ANK2: variants seen among roughly 807,000 people sequenced by gnomAD.
The protein encoded by ANK2 is ankyrin-2.
A neutral mutation model predicts 360.5 loss-of-function variants in ANK2; 83 were observed. The ratio of observed to expected loss-of-function variants is 0.23; its 90% CI spans 0.19 to 0.28. The LOEUF (loss-of-function observed/expected upper bound fraction) is 0.28, where lower values mean the gene tolerates loss of function less well. Among genes scored for constraint, ANK2 ranks in the 10% least tolerant of loss-of-function variants. The pLI is 1.00. For synonymous variants in ANK2, 1,740 were observed against 1,759.5 expected (o/e 0.99, Z 0.28); for missense variants, 4,201 against 4,795.7 (o/e 0.88, Z 3.66).
At chr4:112,935,120 A>AGTGTGTGTGTGTGT (rs10601105) in intron 2 of ANK2, among the ~76,000 whole-genome samples, 4 of 148,760 alleles carry the variant, frequency 2.7e-5, no homozygotes, top group African/African-American at 9.8e-5. Context: ...AGTCAGAGAA[A>AGTGTGTGTGTGTGT]GTGTGTGTGT....
At position 112,864,336 on chromosome 4, in the gene ANK2, G is replaced by T. The variant is rs180849567; in HGVS notation, c.-39-40119G>T. Among the ~76,000 whole-genome samples, 522 of 152,270 alleles carry T rather than the reference G, an allele frequency of 3.4e-3. 1 individual carries two copies. Among genetic ancestry groups the T allele is most frequent in the Non-Finnish European group, 6.5e-3 (440 of 68,024 alleles). ...TTTTATTTTTATTTTTTGAGACGGA[G>T]TCTCGCTCTGTTGCCCAGGCTGGAG... On this transcript the variant is annotated intron_variant, in intron 1 of 30. Transcript: ENST00000503271.
At position 113,356,267 on chromosome 4, in the gene ANK2, T is replaced by C. The variant is rs2095764709; in HGVS notation, c.7649T>C (p.Val2550Ala). The change falls in exon 38 of 46, where the codon GTT (valine) becomes GCT (alanine). Residue 2550 changes from valine (V) to alanine (A), a missense_variant. Physicochemically the swap from Val to Ala is moderately conservative, Grantham distance 64. Transcript: ENST00000357077. ...TPSSEEVSYE[V>A]TPKTTDVSTP... ...AGCTCTGAAGAAGTCAGCTATGAGG[T>C]TACACCCAAAACCACAGATGTAAGT... The C allele has an allele frequency of 6.2e-7, 1 of 1,613,786 alleles. No individual in the cohort carries two copies. Among genetic ancestry groups the C allele is most frequent in the African/African-American group, 1.3e-5 (1 of 74,838 alleles).
At chr4:112,921,772 A>G (rs1055219336) in intron 2 of ANK2, among the ~76,000 whole-genome samples, 1 of 150,994 alleles carries the variant, frequency 6.6e-6, no homozygotes, top group Non-Finnish European at 1.5e-5. Flanking sequence ...TTACTTTTTC[A>G]TTGTCAAATG....
the ANK2 span, among the ~76,000 whole-genome samples, chr4:112,748,147 C>T: frequency 6.6e-6 from 1 of 152,108 alleles, no homozygotes; most frequent in East Asian, 1.9e-4. Flanking sequence ...ACACGAAGAG[C>T]TCTTCTTTCA....
chr4:113,302,651 G>A (rs1375385749), intron 22 of ANK2, 116 bp from the exon 23 acceptor site: 11 of 803,904 alleles, frequency 1.4e-5, no homozygotes, highest in South Asian at 4.2e-5. Context: ...GAAAGATCCC[G>A]TAGTCATGGC....
chr4:112,915,947 G>A (rs929741080), intron 2 of ANK2, among the ~76,000 whole-genome samples: 7 of 151,444 alleles, frequency 4.6e-5, no homozygotes, highest in East Asian at 3.9e-4. Flanking sequence ...TTTTATATAC[G>A]GAACATAAAA....
intron 1 of ANK2, among the ~76,000 whole-genome samples, chr4:112,890,690 C>G (rs188869441): frequency 2.6e-5 from 4 of 151,228 alleles, no homozygotes. Context: ...GCCTCAGCCT[C>G]CCTAGTAGCT....
At chr4:112,875,337 A>T (rs974367887) in intron 1 of ANK2, among the ~76,000 whole-genome samples, 2 of 152,050 alleles carry the variant, frequency 1.3e-5, no homozygotes, top group Non-Finnish European at 2.9e-5. Flanking sequence ...TTTTTGGGAC[A>T]GGGTCTTGCT....
intron 2 of ANK2, among the ~76,000 whole-genome samples, chr4:113,023,262 C>T (rs771583619): frequency 6.6e-6 from 1 of 152,154 alleles, no homozygotes; most frequent in Non-Finnish European, 1.5e-5. Context: ...TTTTTCTGTA[C>T]TTAGACATTA....
intron 4 of ANK2, among the ~76,000 whole-genome samples, chr4:113,231,176 C>T (rs1445323916): frequency 3.9e-5 from 6 of 152,032 alleles, no homozygotes; most frequent in African/African-American, 7.2e-5. Flanking sequence ...CTCAGCCTCC[C>T]GAGTAGCTGG....
rs190985348 is a variant in ANK2 at position 113,187,788 on chromosome 4, C to G, written c.187-8580C>G. On this transcript the variant is annotated intron_variant, in intron 2 of 45. Coordinates refer to ENST00000357077, the MANE Select transcript of ANK2 (RefSeq NM_001148.6). ...GAAAGAACAAGACCCAGGATTGACACATAATAGATATCCAATTAATATTTG... is the reference window on the plus strand; with the variant it reads ...GAAAGAACAAGACCCAGGATTGACAGATAATAGATATCCAATTAATATTTG... Among the ~76,000 whole-genome samples the G allele has an allele frequency of 2.6e-5, 4 of 152,262 alleles. No individual in the cohort carries two copies. In the East Asian group the frequency reaches 7.7e-4, roughly 29 times the overall value.
intron 3 of ANK2, 55 bp downstream of exon 3, chr4:113,196,521 A>G: frequency 1.4e-6 from 2 of 1,420,684 alleles, no homozygotes; most frequent in Non-Finnish European, 2.0e-6. Flanking sequence ...AAATAATTTA[A>G]AGCTTTTCAT....
chr4:113,362,211 C>T (rs1023712866), intron 39 of ANK2, among the ~76,000 whole-genome samples: 2 of 151,930 alleles, frequency 1.3e-5, no homozygotes, highest in Non-Finnish European at 2.9e-5. Flanking sequence ...TAGGTGGTTT[C>T]CCAGTAACGG....
intron 14 of ANK2, among the ~76,000 whole-genome samples, chr4:113,272,458 G>A (rs779651475): frequency 5.9e-5 from 9 of 152,080 alleles, no homozygotes; most frequent in Non-Finnish European, 1.3e-4. Context: ...TTCAACTTTT[G>A]CAATTCAGCA....
chr4:112,781,589 C>G, the ANK2 span, among the ~76,000 whole-genome samples: 1 of 151,998 alleles, frequency 6.6e-6, no homozygotes, highest in East Asian at 1.9e-4. Flanking sequence ...AATTGTAAAG[C>G]ATGGCCTTAT....
intron 4 of ANK2, among the ~76,000 whole-genome samples, chr4:113,227,585 A>G (rs1490222869): frequency 1.3e-5 from 2 of 152,176 alleles, no homozygotes; most frequent in Admixed American, 6.5e-5. Context: ...GTAGAGTGGT[A>G]CCTAGGCACT....
At chr4:113,045,430 A>G (rs2154317634), upstream of ANK2, among the ~76,000 whole-genome samples, 1 of 152,346 alleles carries the variant, frequency 6.6e-6, no homozygotes, top group South Asian at 2.1e-4. Flanking sequence ...AAAGAACAAC[A>G]GCCTTCAAAT....
chr4:113,128,765 A>AG (rs754452704), intron 1 of ANK2, among the ~76,000 whole-genome samples: 7 of 152,214 alleles, frequency 4.6e-5, no homozygotes, highest in Non-Finnish European at 1.0e-4. Flanking sequence ...CTGGGATTAC[A>AG]GGCGTGAGCC....
intron 21 of ANK2, 113 bp downstream of exon 21, chr4:113,292,627 C>A: frequency 8.6e-7 from 1 of 1,161,728 alleles, no homozygotes; most frequent in Non-Finnish European, 1.3e-6. Context: ...AATAAGCCCC[C>A]TGGACTCTGG....
Sources: gnomAD v4.1 joint callset for allele counts (sites outside exome capture counted in the v4.1 genomes callset) on GRCh38, gnomAD v4.1.1 for gene constraint, MANE v1.5 for transcripts, NCBI Gene and HGNC (gene_info 2026-07-23, HGNC 2026-07-21) for gene names.